SESTD1: variants seen among roughly 807,000 people sequenced by gnomAD.
The protein encoded by SESTD1 is SEC14 domain and spectrin repeat-containing protein 1.
Under a neutral mutation model 101.7 loss-of-function variants are expected in SESTD1, and 43 were observed. The ratio of observed to expected loss-of-function variants is 0.42; its 90% confidence interval spans 0.33 to 0.55. SESTD1 has a LOEUF of 0.55. SESTD1 is among the 20% of genes least tolerant of loss of function. SESTD1 has a pLI of 0.07. For synonymous variants in SESTD1, 283 were observed against 286.8 expected (o/e 0.99, Z 0.13); for missense variants, 647 against 815.1 (o/e 0.79, Z 2.51).
intron 5 of SESTD1, among the ~76,000 whole-genome samples, chr2:179,161,423 G>A (rs1469593005): frequency 6.6e-6 from 1 of 151,992 alleles, no homozygotes; most frequent in African/African-American, 2.4e-5. Context: ...ATTATGTTGG[G>A]AGGCCAAGGC....
chr2:179,263,793 AT>A (rs1265505737), intron 1 of SESTD1, among the ~76,000 whole-genome samples: 7 of 152,200 alleles, frequency 4.6e-5, no homozygotes, highest in Non-Finnish European at 7.4e-5. Flanking sequence ...TCTACCTAAA[AT>A]AGAAAAATAA....
At chr2:179,186,810 C>G (rs964259286) in intron 2 of SESTD1, among the ~76,000 whole-genome samples, 2 of 150,520 alleles carry the variant, frequency 1.3e-5, no homozygotes, top group African/African-American at 4.9e-5. Flanking sequence ...ATTATTTTTA[C>G]AGTTCATTCC....
chr2:179,235,013 A>G (rs934066402), intron 1 of SESTD1, among the ~76,000 whole-genome samples: 7 of 152,046 alleles, frequency 4.6e-5, no homozygotes, highest in African/African-American at 1.7e-4. Context: ...TGTATTAAGG[A>G]ACCTAAAGAG....
chr2:179,229,329 A>C (rs760623037), intron 1 of SESTD1, among the ~76,000 whole-genome samples: 1 of 152,134 alleles, frequency 6.6e-6, no homozygotes, highest in Non-Finnish European at 1.5e-5. Context: ...AATTCTCTCT[A>C]TCTGCCTTAT....
In SESTD1 at chr2:179,115,327, G is replaced by C. The variant is rs565859166; in HGVS notation, c.1648-71C>G. On this transcript the variant is annotated intron_variant, in intron 15 of 17. Coordinates refer to ENST00000428443, the MANE Select transcript of SESTD1 (RefSeq NM_178123.5). ...AGAGAAGGATGGGGAAAGTGTGCAG[G>C]AAGATTGTCGTTACAGTTAAGTGAC... 7 of 1,205,178 alleles carry C rather than the reference G, an allele frequency of 5.8e-6. No homozygotes were observed. The South Asian group carries it at 1.1e-4, about 19-fold the overall frequency. The allele number at this position is 1,205,178 out of a possible 1,614,324, so 74.7% of individuals were successfully genotyped here.
chr2:179,124,600 G>A, intron 10 of SESTD1, 42 bp from the exon 11 acceptor site: 2 of 1,478,872 alleles, frequency 1.4e-6, no homozygotes, highest in Non-Finnish European at 1.9e-6. Flanking sequence ...GCTCAAATTA[G>A]TTCCTGGAAG....
intron 1 of SESTD1, among the ~76,000 whole-genome samples, chr2:179,263,209 G>T (rs745616520): frequency 6.6e-6 from 1 of 152,136 alleles, no homozygotes; most frequent in African/African-American, 2.4e-5. Flanking sequence ...AAAGTATTAC[G>T]TATAAAAGCT....
intron 7 of SESTD1, among the ~76,000 whole-genome samples, chr2:179,148,355 T>G (rs1403460093): frequency 6.6e-6 from 1 of 152,226 alleles, no homozygotes; most frequent in Non-Finnish European, 1.5e-5. Context: ...TTAATTTGCT[T>G]GCTAAAGTGC....
chr2:179,140,484 C>T (rs552399046), intron 9 of SESTD1, among the ~76,000 whole-genome samples: 2 of 152,230 alleles, frequency 1.3e-5, no homozygotes, highest in Admixed American at 1.3e-4. Context: ...CATTCCCTCA[C>T]GGCCCTCAAA....
chr2:179,221,073 T>G (rs763187994), intron 1 of SESTD1, among the ~76,000 whole-genome samples: 2 of 152,150 alleles, frequency 1.3e-5, no homozygotes, highest in African/African-American at 4.8e-5. Flanking sequence ...ATAATATACC[T>G]GTATCATGAA....
At chr2:179,246,984 A>AT (rs2047242028) in intron 1 of SESTD1, among the ~76,000 whole-genome samples, 2 of 151,926 alleles carry the variant, frequency 1.3e-5, no homozygotes, top group African/African-American at 4.8e-5. Context: ...TATATTTTTT[A>AT]TTTTTTTCTC....
intron 1 of SESTD1, among the ~76,000 whole-genome samples, chr2:179,246,567 A>T (rs1253036252): frequency 6.6e-6 from 1 of 152,208 alleles, no homozygotes; most frequent in Non-Finnish European, 1.5e-5. Flanking sequence ...ATACAGAAGA[A>T]CTCAACACTA....
chr2:179,186,834 C>G (rs907215764), intron 2 of SESTD1, among the ~76,000 whole-genome samples: 1 of 151,844 alleles, frequency 6.6e-6, no homozygotes, highest in Non-Finnish European at 1.5e-5. Flanking sequence ...AGAGCTTTCT[C>G]CAAATGTGTA....
chr2:179,189,686 A>C (rs547094285), intron 2 of SESTD1, among the ~76,000 whole-genome samples: 2 of 152,316 alleles, frequency 1.3e-5, no homozygotes, highest in African/African-American at 4.8e-5. Context: ...AGCCTCCACC[A>C]AAAGGCTTCT....
chr2:179,146,849 T>G (rs1456443058), intron 7 of SESTD1, among the ~76,000 whole-genome samples: 24 of 151,840 alleles, frequency 1.6e-4, no homozygotes, highest in Admixed American at 1.6e-3. Flanking sequence ...AGACAAAACT[T>G]TATTTACCTA....
In SESTD1 at chr2:179,131,630, ATC is replaced by A. The variant is rs569043455; in HGVS notation, c.972+672_972+673del. Among the ~76,000 whole-genome samples the A allele has an allele frequency of 1.2e-4, 18 of 152,318 alleles. No individual in the cohort carries two copies. The East Asian group carries it at 3.3e-3, about 28-fold the overall frequency. ...AGCTACCCCGTCCACAAACTGGATGATCTCTTTCTCAGTAATGAAGAATTAAC... is the reference window on the plus strand; with the variant it reads ...AGCTACCCCGTCCACAAACTGGATGATCTTTCTCAGTAATGAAGAATTAAC... On this transcript the variant is annotated intron_variant, in intron 10 of 17. Transcript: ENST00000428443.
rs192599845 is a variant in SESTD1, at chr2:179,148,028, G to A, written c.581+1269C>T. ...ATTTCATAATTTTACATTTTTATAC[G>A]GCATCTGTAGGATGGAAACATTCCT... On this transcript the variant is annotated intron_variant, in intron 7 of 17. Transcript: ENST00000428443. Among the ~76,000 whole-genome samples, 11 of 152,008 alleles carry A rather than the reference G, an allele frequency of 7.2e-5. No individual in the cohort carries two copies. In the East Asian group the frequency reaches 9.7e-4, roughly 13 times the overall value.
chr2:179,153,883 T>C (rs949529934), intron 5 of SESTD1, among the ~76,000 whole-genome samples: 1 of 151,996 alleles, frequency 6.6e-6, no homozygotes, highest in Non-Finnish European at 1.5e-5. Flanking sequence ...TACGCTTAAA[T>C]CAATGAGTGC....
chr2:179,207,856 C>G (rs1424118448), intron 1 of SESTD1, among the ~76,000 whole-genome samples: 1 of 134,418 alleles, frequency 7.4e-6, no homozygotes, highest in Non-Finnish European at 1.6e-5. Context: ...TCCTCTCTGG[C>G]AAAAGATCCA....
Sources: allele counts gnomAD v4.1 joint callset (sites outside exome capture counted in the v4.1 genomes callset), GRCh38; gene constraint gnomAD v4.1.1; transcripts MANE v1.5; gene names NCBI Gene and HGNC (gene_info 2026-07-23, HGNC 2026-07-21).